Variants in SRRM3 observed in about 807,000 individuals in gnomAD.
The protein encoded by SRRM3 is serine/arginine repetitive matrix protein 3.
A neutral mutation model predicts 66.2 loss-of-function variants in SRRM3; 27 were observed. The observed-to-expected ratio is 0.41, with a 90% CI of 0.30 to 0.56. SRRM3 has a LOEUF of 0.56. SRRM3 is among the 20% of genes least tolerant of loss of function. The pLI is 0.32. For missense variants in SRRM3, 918 were observed against 991.9 expected, an observed-to-expected ratio of 0.93 and a Z score of 1.00; for synonymous variants, 391 against 414.9, an observed-to-expected ratio of 0.94 and a Z score of 0.70.
At chr7:76,203,375 C>G (rs1800208683) in intron 1 of SRRM3, among the ~76,000 whole-genome samples, 1 of 152,164 alleles carries the variant, frequency 6.6e-6, no homozygotes, top group African/African-American at 2.4e-5. Flanking sequence ...AGCCATTGAC[C>G]TTTCTGAGTC....
At chr7:76,266,221 T>TATA (rs1554609573) in intron 10 of SRRM3, among the ~76,000 whole-genome samples, 2 of 87,246 alleles carry the variant, frequency 2.3e-5, no homozygotes, top group African/African-American at 1.4e-4. Context: ...TATATAAATA[T>TATA]TTATATATTT....
chr7:76,275,497 C>CAAAAAA (rs35985626), intron 11 of SRRM3, among the ~76,000 whole-genome samples: 15 of 70,822 alleles, frequency 2.1e-4, no homozygotes, highest in African/African-American at 2.8e-4. Context: ...CCTGCTCCCT[C>CAAAAAA]AAAAAAAAAA....
At position 76,287,236 on chromosome 7, in the gene SRRM3, TCTCCGCAGTGC is replaced by T. The variant is rs1377840761; in HGVS notation, c.*1394_*1404del. The stretch of plus-strand genomic sequence containing the variant: ...TTTCTCTATGTCCCCCCTCCCTCTT[TCTCCGCAGTGC>T]GGATAAAAATTGGACTCGAATAAAA... On this transcript the variant is annotated 3_prime_UTR_variant, in exon 15 of 15. Coordinates refer to ENST00000611745, the MANE Select transcript of SRRM3 (RefSeq NM_001110199.3). 23 of 152,896 alleles carry T rather than the reference TCTCCGCAGTGC, an allele frequency of 1.5e-4. 1 individual carries two copies. The highest frequency in any genetic ancestry group is 4.6e-4 in the African/African-American group (19 of 41,472). The allele number at this position is 152,896 out of a possible 1,614,324, so 9.5% of individuals were successfully genotyped here. A position where few individuals can be genotyped will look rare whatever the true frequency, so the allele number is the denominator to read the frequency against.
At chr7:76,225,662 C>A (rs1800846775) in intron 1 of SRRM3, among the ~76,000 whole-genome samples, 1 of 152,148 alleles carries the variant, frequency 6.6e-6, no homozygotes, top group Admixed American at 6.5e-5. Context: ...CGGGGGATCA[C>A]TTGAGGCCAA....
intron 8 of SRRM3, among the ~76,000 whole-genome samples, chr7:76,262,860 A>G (rs1801917353): frequency 6.6e-6 from 1 of 151,934 alleles, no homozygotes; most frequent in Non-Finnish European, 1.5e-5. Flanking sequence ...GGAAAGGAAA[A>G]GAAGGGAAAA....
At chr7:76,253,679 G>A (rs530072635) in intron 3 of SRRM3, among the ~76,000 whole-genome samples, 2 of 151,104 alleles carry the variant, frequency 1.3e-5, no homozygotes, top group South Asian at 4.2e-4. Context: ...AACTGGGCGT[G>A]TTGGCACAGG....
intron 1 of SRRM3, among the ~76,000 whole-genome samples, chr7:76,225,965 C>G (rs1247797686): frequency 6.6e-6 from 1 of 152,044 alleles, no homozygotes; most frequent in Non-Finnish European, 1.5e-5. Context: ...ATCAGGGGTC[C>G]CCAGGGCAGG....
chr7:76,284,574 C>A (rs576382645), intron 14 of SRRM3, among the ~76,000 whole-genome samples: 48 of 152,262 alleles, frequency 3.2e-4, no homozygotes, highest in Admixed American at 1.0e-3. Flanking sequence ...GATCTTCCTG[C>A]GTCCCCCCTT....
chr7:76,218,428 A>G (rs1463796977), intron 1 of SRRM3, among the ~76,000 whole-genome samples: 1 of 134,538 alleles, frequency 7.4e-6, no homozygotes, highest in Admixed American at 7.7e-5. Flanking sequence ...CCTCCACCCC[A>G]CCCCCATCTC....
At chr7:76,284,908 T>C (rs1269994821) in intron 14 of SRRM3, among the ~76,000 whole-genome samples, 1 of 152,036 alleles carries the variant, frequency 6.6e-6, no homozygotes, top group Non-Finnish European at 1.5e-5. Context: ...CGGCCAGGAC[T>C]CCCCTCCTTG....
chr7:76,242,840 A>C (rs1801344056), intron 2 of SRRM3, among the ~76,000 whole-genome samples: 1 of 152,212 alleles, frequency 6.6e-6, no homozygotes, highest in Non-Finnish European at 1.5e-5. Flanking sequence ...GGTGGAGCTC[A>C]GGTGGTAATG....
intron 3 of SRRM3, among the ~76,000 whole-genome samples, chr7:76,250,486 G>C (rs527377346): frequency 6.6e-6 from 1 of 152,024 alleles, no homozygotes; most frequent in Non-Finnish European, 1.5e-5. Flanking sequence ...CACCCGCCTC[G>C]GCCTCCCAAA....
At chr7:76,265,849 TATATATATA>T (rs1436140983) in intron 10 of SRRM3, among the ~76,000 whole-genome samples, 10 of 10,640 alleles carry the variant, frequency 9.4e-4, no homozygotes, top group Admixed American at 2.2e-3. Context: ...TATATATATA[TATATATATA>T]TTTTTTTTTT....
chr7:76,249,059 C>T lies in SRRM3; in HGVS notation c.335+770C>T, dbSNP rs188698477. ...GATGTAAGAGCCCACACACCAAATC[C>T]CACTGCTACCATGACCAATGGCTTG... On this transcript the variant is annotated intron_variant, in intron 3 of 14. Coordinates refer to ENST00000611745, the MANE Select transcript of SRRM3 (RefSeq NM_001110199.3). Among the ~76,000 whole-genome samples, 265 of 152,184 alleles carry T rather than the reference C, an allele frequency of 1.7e-3. 2 individuals are homozygous for T. The highest frequency in any genetic ancestry group is 0.014 in the Middle Eastern group (4 of 294).
At chr7:76,268,410 G>A (rs1439805790) in intron 11 of SRRM3, 2 of 151,134 alleles carry the variant, frequency 1.3e-5, no homozygotes, top group Non-Finnish European at 3.0e-5. Context: ...GTGGCTTGGG[G>A]TGGGGAGACC....
At chr7:76,282,563 T>G in intron 12 of SRRM3, 85 bp from the exon 13 acceptor site, 26 of 202,940 alleles carry the variant, frequency 1.3e-4, no homozygotes, top group East Asian at 3.8e-4. Context: ...CCCTCCGCCC[T>G]AAGCCCCGCC....
chr7:76,209,665 T>G (rs1445222061), intron 1 of SRRM3, among the ~76,000 whole-genome samples: 1 of 151,218 alleles, frequency 6.6e-6, no homozygotes, highest in African/African-American at 2.4e-5. Flanking sequence ...AGTGCAATAG[T>G]GAGATCATAG....
intron 3 of SRRM3, among the ~76,000 whole-genome samples, chr7:76,251,343 G>T (rs117022516): frequency 2.6e-5 from 4 of 152,066 alleles, no homozygotes; most frequent in Non-Finnish European, 4.4e-5. Flanking sequence ...TTAAGGCTGG[G>T]TACGGTGGAT....
chr7:76,270,234 G>A (rs1487695616), intron 11 of SRRM3, among the ~76,000 whole-genome samples: 2 of 152,168 alleles, frequency 1.3e-5, no homozygotes, highest in Non-Finnish European at 2.9e-5. Flanking sequence ...TTAGTATAAT[G>A]GGCTGGACAC....
Sources: gnomAD v4.1 joint callset for allele counts (sites outside exome capture counted in the v4.1 genomes callset) on GRCh38, gnomAD v4.1.1 for gene constraint, MANE v1.5 for transcripts, NCBI Gene and HGNC (gene_info 2026-07-23, HGNC 2026-07-21) for gene names.